RIT2: variants seen among roughly 807,000 people sequenced by gnomAD.
The protein encoded by RIT2 is Ras like without CAAX 2, also known as GTP-binding protein Rit2.
Under a neutral mutation model 23.7 loss-of-function variants are expected in RIT2, and 24 were observed. The observed-to-expected ratio is 1.01, with a 90% CI of 0.73 to 1.43. The LOEUF (loss-of-function observed/expected upper bound fraction) is 1.43. RIT2 is among the 40% of genes most tolerant of loss of function. The probability of loss-of-function intolerance (pLI) is 0.00; values close to 1 mark genes in which losing one functional copy is unlikely to be tolerated. For synonymous variants in RIT2, 107 were observed against 91.1 expected, an observed-to-expected ratio of 1.17 and a Z score of -0.99; for missense variants, 236 against 266.9, an observed-to-expected ratio of 0.88 and a Z score of 0.81.
At chr18:43,057,798 C>CTTTTTTTTT (rs11393575) in intron 1 of RIT2, among the ~76,000 whole-genome samples, 4,020 of 122,190 alleles carry the variant, frequency 0.033, 248 homozygotes, top group Non-Finnish European at 0.037. Context: ...GTGATGGACA[C>CTTTTTTTTT]TTTTTTTTTT....
Position 42,831,084 on chromosome 18 carries a change from A to G in RIT2, c.427-87364T>C, listed in dbSNP as rs531082526. On this transcript the variant is annotated intron_variant, in intron 4 of 4. Transcript: ENST00000326695. ...GATGTATAAGTCTAATGATTTTAAA[A>G]TTACTTTTGCCTGCTGAGTTGTATA... Among the ~76,000 whole-genome samples, 3 of 152,330 alleles carry G rather than the reference A, an allele frequency of 2.0e-5. No homozygotes were observed. In the South Asian group the frequency reaches 6.2e-4, roughly 32 times the overall value.
intron 1 of RIT2, among the ~76,000 whole-genome samples, chr18:43,089,590 TA>T (rs1158013443): frequency 4.3e-4 from 56 of 129,876 alleles, no homozygotes; most frequent in South Asian, 4.9e-4. Context: ...CAAAAAAAAA[TA>T]AAAAAAAAAA....
chr18:42,956,445 G>C (rs1295352782), intron 3 of RIT2, among the ~76,000 whole-genome samples: 2 of 152,014 alleles, frequency 1.3e-5, no homozygotes, highest in Non-Finnish European at 2.9e-5. Flanking sequence ...GGACTATTTG[G>C]GCTTTGTGGA....
At chr18:42,815,963 A>C (rs1478233406) in intron 4 of RIT2, among the ~76,000 whole-genome samples, 1 of 152,194 alleles carries the variant, frequency 6.6e-6, no homozygotes, top group African/African-American at 2.4e-5. Context: ...TAATGGCGAG[A>C]GACAGTTGAA....
chr18:43,012,851 CT>C (rs1267521456), intron 2 of RIT2, among the ~76,000 whole-genome samples: 2 of 151,756 alleles, frequency 1.3e-5, no homozygotes, highest in East Asian at 3.9e-4. Context: ...GTTAAGTGGC[CT>C]GCTAAAAACA....
chr18:42,941,774 A>G (rs1909605638), intron 3 of RIT2, among the ~76,000 whole-genome samples: 1 of 152,132 alleles, frequency 6.6e-6, no homozygotes, highest in South Asian at 2.1e-4. Flanking sequence ...TGTTTCATAT[A>G]TATGTATGTA....
chr18:43,077,425 AT>A (rs139527586), intron 1 of RIT2, among the ~76,000 whole-genome samples: 3 of 151,280 alleles, frequency 2.0e-5, no homozygotes, highest in South Asian at 2.1e-4. Flanking sequence ...TTTCTTGAAC[AT>A]TTTTTTTTGT....
intron 2 of RIT2, among the ~76,000 whole-genome samples, chr18:43,010,752 T>C (rs1404679773): frequency 6.6e-6 from 1 of 151,768 alleles, no homozygotes; most frequent in Admixed American, 6.6e-5. Context: ...ACCAGAGCTC[T>C]AGGTCATGAC....
At chr18:42,984,977 GA>G (rs57397369) in intron 2 of RIT2, among the ~76,000 whole-genome samples, 3 of 151,838 alleles carry the variant, frequency 2.0e-5, no homozygotes, top group Non-Finnish European at 4.4e-5. Flanking sequence ...GTTTAGCATA[GA>G]AAAAAATGCC....
At chr18:42,907,757 G>T (rs1421745803) in intron 4 of RIT2, among the ~76,000 whole-genome samples, 1 of 145,940 alleles carries the variant, frequency 6.9e-6, no homozygotes, top group Non-Finnish European at 1.5e-5. Flanking sequence ...AAGGCAGGAG[G>T]ATTCTTGGAG....
intron 4 of RIT2, among the ~76,000 whole-genome samples, chr18:42,855,749 C>T (rs1907163802): frequency 6.6e-6 from 1 of 152,102 alleles, no homozygotes; most frequent in Admixed American, 6.5e-5. Flanking sequence ...ATTTTGAATC[C>T]TGTTTTTTCT....
At chr18:43,035,563 G>A (rs890850760) in intron 1 of RIT2, among the ~76,000 whole-genome samples, 18 of 152,012 alleles carry the variant, frequency 1.2e-4, no homozygotes, top group African/African-American at 4.4e-4. Context: ...TCATAACCCA[G>A]ATTTAGCAAG....
At chr18:42,878,312 TAATAA>T (rs1907797916) in intron 4 of RIT2, among the ~76,000 whole-genome samples, 1 of 151,516 alleles carries the variant, frequency 6.6e-6, no homozygotes, top group Admixed American at 6.6e-5. Context: ...TGTATTCTTA[TAATAA>T]AATAAGCTAT....
intron 4 of RIT2, among the ~76,000 whole-genome samples, chr18:42,747,535 G>GA (rs1258744218): frequency 6.6e-6 from 1 of 151,896 alleles, no homozygotes; most frequent in Non-Finnish European, 1.5e-5. Flanking sequence ...CACAGAACTA[G>GA]AAAAAACAAT....
At chr18:43,043,787 G>A (rs1005002810) in intron 1 of RIT2, among the ~76,000 whole-genome samples, 12 of 151,744 alleles carry the variant, frequency 7.9e-5, no homozygotes, top group African/African-American at 2.9e-4. Flanking sequence ...CAACAAGAGC[G>A]AAACTCCGTC....
At chr18:42,919,294 T>C (rs1908993878) in intron 4 of RIT2, among the ~76,000 whole-genome samples, 1 of 152,162 alleles carries the variant, frequency 6.6e-6, no homozygotes, top group African/African-American at 2.4e-5. Context: ...TTTCATGATT[T>C]CAACTCAGTA....
chr18:42,789,085 T>C (rs1043397765), intron 4 of RIT2, among the ~76,000 whole-genome samples: 28 of 152,320 alleles, frequency 1.8e-4, no homozygotes, highest in African/African-American at 6.7e-4. Flanking sequence ...AACTGGCATA[T>C]CTTTACCGTG....
chr18:42,912,944 T>C (rs1287113544), intron 4 of RIT2, among the ~76,000 whole-genome samples: 1 of 151,840 alleles, frequency 6.6e-6, no homozygotes, highest in African/African-American at 2.4e-5. Flanking sequence ...AGCATTAAAA[T>C]AGCCAAAATT....
chr18:43,025,221 CAAAA>C (rs1911686183), intron 2 of RIT2, among the ~76,000 whole-genome samples: 1 of 121,924 alleles, frequency 8.2e-6, no homozygotes. Context: ...AAAAACAAAA[CAAAA>C]CAAAAAAAAA....
Sources: allele counts gnomAD v4.1 joint callset (sites outside exome capture counted in the v4.1 genomes callset), GRCh38; gene constraint gnomAD v4.1.1; transcripts MANE v1.5; gene names NCBI Gene and HGNC (gene_info 2026-07-23, HGNC 2026-07-21).